HEXD: variants seen among roughly 807,000 people sequenced by gnomAD.
The protein encoded by HEXD is N-acetyl-beta-galactosaminidase.
A neutral mutation model predicts 54.2 loss-of-function variants in HEXD; 47 were observed. The ratio of observed to expected loss-of-function variants is 0.87; its 90% CI spans 0.69 to 1.11. HEXD has a LOEUF of 1.11. Ranked by LOEUF, HEXD falls within the 50% of genes least tolerant of loss-of-function variation. The pLI is 0.00. For missense variants in HEXD, 576 were observed against 649.2 expected, an observed-to-expected ratio of 0.89 and a Z score of 1.23; for synonymous variants, 293 against 287.6, an observed-to-expected ratio of 1.02 and a Z score of -0.19.
At chr17:82,433,121 TATATA>T (rs2053649490) in intron 4 of HEXD, among the ~76,000 whole-genome samples, 3 of 16,172 alleles carry the variant, frequency 1.9e-4, no homozygotes, top group Non-Finnish European at 8.4e-5. Flanking sequence ...TATATATATA[TATATA>T]TATTTTTTTT....
rs574305918 is a variant in HEXD, at chr17:82,439,309, C to T, written c.900-322C>T. On this transcript the variant is annotated intron_variant, in intron 8 of 12. Coordinates refer to ENST00000327949, the MANE Select transcript of HEXD (RefSeq NM_001330542.2). ...GAAGCAGGAGCCCTTTTCTCAGAGG[C>T]CAGAGGTGCTGGGGGGAGGGACAAC... 2.4e-5 allele frequency: 11 copies of T among 454,788 alleles called. No homozygotes were observed. In the South Asian group the frequency reaches 1.0e-3, roughly 42 times the overall value. 28.2% of individuals were successfully genotyped at this position (454,788 alleles called of 1,614,324 possible).
At chr17:82,437,421 T>G in intron 8 of HEXD, 58 bp downstream of exon 8, 1 of 1,438,524 alleles carries the variant, frequency 7.0e-7, no homozygotes, top group Non-Finnish European at 9.3e-7. Flanking sequence ...GGCCACCACG[T>G]CGGCCTGTGC....
intron 8 of HEXD, 175 bp from the exon 9 acceptor site, chr17:82,439,456 C>T (rs372171968): frequency 4.1e-6 from 4 of 985,418 alleles, no homozygotes; most frequent in Non-Finnish European, 3.6e-6. Context: ...AGAGCCCTGC[C>T]GCACAGAACC....
At chr17:82,433,877 C>G in intron 5 of HEXD, 55 bp downstream of exon 5, 1 of 1,480,404 alleles carries the variant, frequency 6.8e-7, no homozygotes, top group African/African-American at 1.5e-5. Context: ...CATGGCTTGT[C>G]CTTTTAAATA....
At position 82,437,338 on chromosome 17, in the gene HEXD, G is replaced by T. The variant is rs779415238; in HGVS notation, c.874G>T (p.Gly292Cys). ...AGSGPTDSLQ[G>C]IILTGWQRYD... ...CAGCGGGCCCACGGACTCACTGCAG[G>T]GCATCATCCTGACCGGCTGGCAGAG... is the stretch of plus-strand genomic sequence containing the variant. Residue 292 changes from glycine (G) to cysteine (C), a missense_variant, in exon 8 of 13, where the codon GGC becomes TGC. Transcript: ENST00000327949. 1.5e-5 allele frequency: 24 copies of T among 1,606,762 alleles called. No homozygotes were observed. Among genetic ancestry groups the T allele is most frequent in the Non-Finnish European group, 2.0e-5 (23 of 1,176,700 alleles).
At chr17:82,428,822 G>C (rs575693314) in intron 4 of HEXD, among the ~76,000 whole-genome samples, 177 bp downstream of exon 4, 1 of 152,308 alleles carries the variant, frequency 6.6e-6, no homozygotes, top group Admixed American at 6.5e-5. Flanking sequence ...GACTCGGCCA[G>C]AGCTGCAGGT....
Position 82,441,075 on chromosome 17 carries a change from G to C in HEXD, c.1061G>C (p.Arg354Thr), listed in dbSNP as rs370916176. The C allele has an allele frequency of 1.1e-5, 18 of 1,613,496 alleles. No homozygotes were observed. In the African/African-American group the frequency reaches 2.3e-4, roughly 20 times the overall value. The change falls in exon 10 of 13, where the codon AGG becomes ACG. Residue 354 changes from arginine to threonine, a missense_variant and splice_region_variant. By Grantham distance (71) the Arg-to-Thr change is moderately conservative. Coordinates refer to ENST00000327949, the MANE Select transcript of HEXD (RefSeq NM_001330542.2). Reference sequence around the variant, plus strand: ...AGCCTGGAAAAAACGGACCCTGTTAGGCAAGCACCCTGCAGCCCTCCCTGT... The same window carrying C: ...AGCCTGGAAAAAACGGACCCTGTTACGCAAGCACCCTGCAGCCCTCCCTGT... ...ISSLEKTDPV[R>T]EGAGSFPGSN...
Position 82,441,793 on chromosome 17 carries a change from GCC to G in HEXD, c.1164-4_1164-3del, listed in dbSNP as rs770416671. The G allele has an allele frequency of 6.2e-7, 1 of 1,612,932 alleles. No homozygotes were observed. Reference sequence around the variant, plus strand: ...CCGCGGCACACCCCTATGTGGATTTGCCCCAGGTATGTCACTGGCTGGTTCAG... The same window carrying G: ...CCGCGGCACACCCCTATGTGGATTTGCCAGGTATGTCACTGGCTGGTTCAG... On this transcript the variant is annotated splice_polypyrimidine_tract_variant and splice_region_variant and intron_variant, in intron 11 of 12. Coordinates refer to ENST00000327949, the MANE Select transcript of HEXD (RefSeq NM_001330542.2).
At chr17:82,433,221 C>G (rs2143547432) in intron 4 of HEXD, among the ~76,000 whole-genome samples, 1 of 146,434 alleles carries the variant, frequency 6.8e-6, no homozygotes. Flanking sequence ...GAAGGCGAAT[C>G]ACTTGTGGTC....
Position 82,442,042 on chromosome 17 carries a change from C to A in HEXD, c.1254-135C>A. The A allele has an allele frequency of 7.5e-7, 1 of 1,329,300 alleles. No homozygotes were observed. Among genetic ancestry groups the A allele is most frequent in the Non-Finnish European group, 1.0e-6 (1 of 954,690 alleles). 82.3% of individuals were successfully genotyped at this position (1,329,300 alleles called of 1,614,324 possible). Reference sequence around the variant, plus strand: ...ATGTGCAGCTGTCACCGACTTGTTCCTCCCGACATGCCGATGAGGTAGGGT... The same window carrying A: ...ATGTGCAGCTGTCACCGACTTGTTCATCCCGACATGCCGATGAGGTAGGGT... On this transcript the variant is annotated intron_variant, in intron 12 of 12. Coordinates refer to ENST00000327949, the MANE Select transcript of HEXD (RefSeq NM_001330542.2). The surrounding 1 kb of genome is among the most constrained non-coding windows in gnomAD (Gnocchi z 6.8).
chr17:82,422,166 CAA>C (rs767984716), intron 2 of HEXD, among the ~76,000 whole-genome samples: 28 of 65,890 alleles, frequency 4.2e-4, no homozygotes, highest in Admixed American at 7.0e-4. Flanking sequence ...GACTCTGTCT[CAA>C]AAAAAAAAAA....
At chr17:82,439,800 C>T in intron 9 of HEXD, 87 bp downstream of exon 9, 4 of 1,595,604 alleles carry the variant, frequency 2.5e-6, no homozygotes, top group Non-Finnish European at 2.5e-6. Flanking sequence ...GTGCTCCAAC[C>T]ACCCTGCTGG....
At chr17:82,441,305 G>GTAGGGA (rs2053946088) in intron 11 of HEXD, 39 bp downstream of exon 11, 4 of 1,524,842 alleles carry the variant, frequency 2.6e-6, no homozygotes, top group African/African-American at 1.4e-5. Flanking sequence ...GGTGAGGGGG[G>GTAGGGA]CAGGCATGGG....
chr17:82,424,046 G>T (rs1418583541), intron 2 of HEXD, among the ~76,000 whole-genome samples: 1 of 151,468 alleles, frequency 6.6e-6, no homozygotes, highest in African/African-American at 2.4e-5. Flanking sequence ...TGCCTTGCTG[G>T]TGCCCCTCAG....
At chr17:82,423,756 C>T (rs559093097) in intron 2 of HEXD, among the ~76,000 whole-genome samples, 4 of 147,828 alleles carry the variant, frequency 2.7e-5, no homozygotes, top group East Asian at 4.0e-4. Flanking sequence ...GAGGTTGCAA[C>T]GAGCCAAGAT....
Position 82,433,746 on chromosome 17 carries a change from C to A in HEXD, c.371C>A (p.Ala124Glu). The A allele has an allele frequency of 6.2e-7, 1 of 1,613,206 alleles. No homozygotes were observed. The highest frequency in any genetic ancestry group is 8.5e-7 in the Non-Finnish European group (1 of 1,179,850). Residue 124 changes from alanine (A) to glutamate (E), a missense_variant, in exon 5 of 13, where the codon GCG becomes GAG. Coordinates refer to ENST00000327949, the MANE Select transcript of HEXD (RefSeq NM_001330542.2). Reference protein sequence around the residue: ...TLNPHEAESLALVGAMIDQVL... With the variant: ...TLNPHEAESLELVGAMIDQVL... ...AACCCCCACGAGGCAGAGTCCCTGGCGCTGGTGGGCGCCATGATTGACCAG... is the reference window on the plus strand; with the variant it reads ...AACCCCCACGAGGCAGAGTCCCTGGAGCTGGTGGGCGCCATGATTGACCAG...
intron 9 of HEXD, 25 bp from the exon 10 acceptor site, chr17:82,440,971 AC>A: frequency 6.2e-7 from 1 of 1,612,492 alleles, no homozygotes. Context: ...GGCCCCTCCA[AC>A]CGCCCCGCTC....
chr17:82,435,334 C>A (rs1006492637), intron 5 of HEXD, among the ~76,000 whole-genome samples: 1 of 152,152 alleles, frequency 6.6e-6, no homozygotes, highest in African/African-American at 2.4e-5. Flanking sequence ...ATGACCTGTG[C>A]TCCTCCGGGC....
chr17:82,419,851 G>A lies in HEXD; in HGVS notation c.52G>A (p.Gly18Arg). 1.9e-6 allele frequency: 3 copies of A among 1,611,956 alleles called. No individual in the cohort carries two copies. The highest frequency in any genetic ancestry group is 2.5e-6 in the Non-Finnish European group (3 of 1,178,146). ...GAGATTAGTTCATTTAGACCTTAAA[G>A]GAGCTCCACCAAAGGTCTCGTACCT... ...QMRLVHLDLK[G>R]APPKVSYLSE... The change falls in exon 2 of 13, where the codon GGA becomes AGA. Residue 18 changes from glycine (G) to arginine (R), a missense_variant. Gly to Arg is a moderately radical substitution (Grantham distance 125). Transcript: ENST00000327949.
Sources: gnomAD v4.1 joint callset for allele counts (sites outside exome capture counted in the v4.1 genomes callset) on GRCh38, gnomAD v4.1.1 for gene constraint, Gnocchi (gnomAD v3.1) non-coding constraint, MANE v1.5 for transcripts, NCBI Gene and HGNC (gene_info 2026-07-23, HGNC 2026-07-21) for gene names.